ATAD2B: variants seen among roughly 807,000 people sequenced by gnomAD.
ATAD2B encodes the protein ATPase family AAA domain-containing protein 2B.
Under a neutral mutation model 167.6 loss-of-function variants are expected in ATAD2B, and 40 were observed. That is an observed-to-expected ratio of 0.24 (90% CI 0.19 to 0.31). ATAD2B has a LOEUF of 0.31. Among genes scored for constraint, ATAD2B ranks in the 10% least tolerant of loss-of-function variants. The probability of loss-of-function intolerance (pLI) is 1.00; values close to 1 mark genes in which losing one functional copy is unlikely to be tolerated. For missense variants in ATAD2B, 1,242 were observed against 1,757.2 expected, an observed-to-expected ratio of 0.71 and a Z score of 5.24; for synonymous variants, 579 against 596.5, an observed-to-expected ratio of 0.97 and a Z score of 0.43.
the ATAD2B span, among the ~76,000 whole-genome samples, chr2:23,732,870 T>C: frequency 6.6e-6 from 1 of 152,210 alleles, no homozygotes; most frequent in Non-Finnish European, 1.5e-5. Context: ...CTAGGCTCTT[T>C]TGTCAGAATC....
the ATAD2B span, among the ~76,000 whole-genome samples, chr2:23,713,055 T>C: frequency 2.0e-5 from 3 of 152,256 alleles, no homozygotes; most frequent in Non-Finnish European, 4.4e-5. Flanking sequence ...TAGCCAGCCC[T>C]GCAGCCTACA....
chr2:23,682,633 C>G, the ATAD2B span, among the ~76,000 whole-genome samples: 6 of 152,260 alleles, frequency 3.9e-5, no homozygotes, highest in East Asian at 1.2e-3. The surrounding 1 kb of genome is among the most constrained non-coding windows in gnomAD (Gnocchi z 4.1). Flanking sequence ...TTGCCCATGG[C>G]CCTTTTGTCC....
At chr2:23,738,924 A>C in the ATAD2B span, among the ~76,000 whole-genome samples, 12 of 152,316 alleles carry the variant, frequency 7.9e-5, no homozygotes, top group Middle Eastern at 3.4e-3. Context: ...AACAGACTTT[A>C]AACCAACAAA....
chr2:23,862,493 C>T (rs553575419), intron 12 of ATAD2B, among the ~76,000 whole-genome samples: 2 of 150,238 alleles, frequency 1.3e-5, no homozygotes, highest in Non-Finnish European at 3.0e-5. Flanking sequence ...TCACTGCAGC[C>T]TTGAACTCCG....
chr2:23,714,069 C>G, the ATAD2B span, among the ~76,000 whole-genome samples: 1 of 152,034 alleles, frequency 6.6e-6, no homozygotes, highest in Non-Finnish European at 1.5e-5. Context: ...TTGGCCATTA[C>G]CCCCCGGTCC....
At chr2:23,782,824 C>T (rs753804269) in intron 22 of ATAD2B, 45 bp downstream of exon 22, 6 of 1,507,400 alleles carry the variant, frequency 4.0e-6, no homozygotes, top group African/African-American at 1.4e-5. Context: ...GGTAAACTGT[C>T]TTCTGATTGA....
intron 5 of ATAD2B, among the ~76,000 whole-genome samples, chr2:23,885,298 C>T (rs1269800419): frequency 6.6e-6 from 1 of 152,156 alleles, no homozygotes; most frequent in Non-Finnish European, 1.5e-5. Flanking sequence ...AAAGGTAGAA[C>T]TGCATCAGTC....
At chr2:23,808,828 T>C (rs772188260) in intron 18 of ATAD2B, among the ~76,000 whole-genome samples, 11 of 152,172 alleles carry the variant, frequency 7.2e-5, no homozygotes, top group Non-Finnish European at 1.5e-4. Context: ...TTTATGAACA[T>C]TGCTGAAATG....
At chr2:23,680,951 TG>T in the ATAD2B span, among the ~76,000 whole-genome samples, 1 of 152,188 alleles carries the variant, frequency 6.6e-6, no homozygotes, top group African/African-American at 2.4e-5. This position sits in a 1 kb window ranked among gnomAD's most constrained non-coding sequence, Gnocchi z 4.1. Context: ...GCCATGTTGT[TG>T]GAAGATCTCC....
chr2:23,878,025 A>AAAAAAAAAAAAAAAAAG lies in ATAD2B; in HGVS notation c.902-2122_902-2121insCTTTTTTTTTTTTTTTT, dbSNP rs1558714074. Among the ~76,000 whole-genome samples, 210 of 106,894 alleles carry AAAAAAAAAAAAAAAAAG rather than the reference A, an allele frequency of 2.0e-3. 18 individuals are homozygous for AAAAAAAAAAAAAAAAAG. The highest frequency in any genetic ancestry group is 0.02 in the Admixed American group (136 of 6,948). 70.1% of individuals were successfully genotyped at this position (106,894 alleles called of 152,430 possible). A position where few individuals can be genotyped will look rare whatever the true frequency, so the allele number is the denominator to read the frequency against. ...ACCCTATCTCCAAAGAAAAAAAAAA[A>AAAAAAAAAAAAAAAAAG]AAAAAAAAAAAAAAGCAAAATGTAT... On this transcript the variant is annotated intron_variant, in intron 7 of 27. Transcript: ENST00000238789.
At chr2:23,785,911 G>T in intron 21 of ATAD2B, 116 bp downstream of exon 21, 1 of 899,340 alleles carries the variant, frequency 1.1e-6, no homozygotes. Flanking sequence ...AAATTTTATA[G>T]GCTAGGGGTA....
chr2:23,797,657 T>C (rs1213831976), intron 19 of ATAD2B, among the ~76,000 whole-genome samples: 1 of 152,160 alleles, frequency 6.6e-6, no homozygotes, highest in African/African-American at 2.4e-5. Context: ...CGAGATTATC[T>C]TGGGGATGGG....
At chr2:23,924,484 CATAAAT>C (rs1223238489) in intron 1 of ATAD2B, among the ~76,000 whole-genome samples, 3 of 152,110 alleles carry the variant, frequency 2.0e-5, no homozygotes, top group Non-Finnish European at 2.9e-5. Flanking sequence ...CAACCTGCTT[CATAAAT>C]ATATAGTCCA....
At chr2:23,788,675 TTAA>T (rs1468072423) in intron 19 of ATAD2B, 28 bp from the exon 20 acceptor site, 1 of 1,502,176 alleles carries the variant, frequency 6.7e-7, no homozygotes, top group South Asian at 1.2e-5. Flanking sequence ...CACAAAGACA[TTAA>T]ATATATAAAG....
chr2:23,870,605 A>G (rs11125284), intron 8 of ATAD2B, among the ~76,000 whole-genome samples: 67,732 of 150,534 alleles, frequency 0.45, 16,142 homozygotes, highest in East Asian at 0.78. Context: ...TTTAAATTAC[A>G]TCCAAATTTA....
the ATAD2B span, among the ~76,000 whole-genome samples, chr2:23,718,077 T>C: frequency 6.6e-6 from 1 of 152,226 alleles, no homozygotes; most frequent in Admixed American, 6.5e-5. Context: ...ATCTTTCCCA[T>C]TGATTACAGC....
the ATAD2B span, chr2:23,703,723 C>T: frequency 3.3e-6 from 5 of 1,535,640 alleles, no homozygotes; most frequent in Non-Finnish European, 4.4e-6. Flanking sequence ...TCACAGACAA[C>T]AAGTATGCCC....
chr2:23,813,376 ATG>A (rs1685927816), intron 17 of ATAD2B, among the ~76,000 whole-genome samples: 2 of 149,534 alleles, frequency 1.3e-5, no homozygotes, highest in African/African-American at 4.9e-5. Flanking sequence ...AGGAATATAA[ATG>A]TATAAAATGT....
At chr2:23,726,112 T>C in the ATAD2B span, among the ~76,000 whole-genome samples, 4 of 152,336 alleles carry the variant, frequency 2.6e-5, no homozygotes, top group East Asian at 5.8e-4. Flanking sequence ...CTCATGCACA[T>C]TCATTTTATA....
Sources: allele counts gnomAD v4.1 joint callset (sites outside exome capture counted in the v4.1 genomes callset), GRCh38; gene constraint gnomAD v4.1.1; non-coding constraint Gnocchi (gnomAD v3.1); transcripts MANE v1.5; gene names NCBI Gene and HGNC (gene_info 2026-07-23, HGNC 2026-07-21).